Variants in SPON1 observed in about 807,000 individuals in gnomAD.
SPON1 encodes spondin 1, also known as spondin-1.
A neutral mutation model predicts 111.7 loss-of-function variants in SPON1; 52 were observed. The observed-to-expected ratio is 0.47, with a 90% CI of 0.37 to 0.59. The LOEUF (loss-of-function observed/expected upper bound fraction) is 0.59. Ranked by LOEUF, SPON1 falls within the 20% of genes least tolerant of loss-of-function variation. The probability of loss-of-function intolerance (pLI) is 0.00; values close to 1 mark genes in which losing one functional copy is unlikely to be tolerated. For missense variants in SPON1, 957 were observed against 1,068.5 expected, an observed-to-expected ratio of 0.90 and a Z score of 1.46; for synonymous variants, 410 against 395.8, an observed-to-expected ratio of 1.04 and a Z score of -0.43.
In SPON1 at chr11:14,066,387, G is replaced by A. The variant is rs73422187; in HGVS notation, c.480-8958G>A. 1.4e-3 allele frequency among the ~76,000 whole-genome samples: 208 copies of A among 151,986 alleles called. 3 individuals carry two copies. Among genetic ancestry groups the A allele is most frequent in the Middle Eastern group, 0.01 (3 of 292 alleles). On this transcript the variant is annotated intron_variant, in intron 3 of 15. Transcript: ENST00000576479. The stretch of plus-strand genomic sequence containing the variant: ...AGAAAACCATTAAGGGTCAAAAGAC[G>A]CTGGAAAAAAAAATTGATAGTTTGG...
intron 5 of SPON1, among the ~76,000 whole-genome samples, chr11:14,086,718 A>T (rs1471583993): frequency 6.6e-6 from 1 of 152,208 alleles, no homozygotes; most frequent in East Asian, 1.9e-4. Context: ...TTCAGAAGGA[A>T]TGGTACCAAC....
chr11:14,088,816 G>A (rs533901694), intron 5 of SPON1, among the ~76,000 whole-genome samples: 123 of 151,974 alleles, frequency 8.1e-4, no homozygotes, highest in African/African-American at 2.7e-3. Flanking sequence ...ATTTCTTAGA[G>A]GCTGTGTTCG....
intron 2 of SPON1, among the ~76,000 whole-genome samples, chr11:14,002,948 CA>C (rs1554912613): frequency 6.6e-6 from 1 of 152,144 alleles, no homozygotes; most frequent in African/African-American, 2.4e-5. Context: ...CCTCGACAGC[CA>C]AGCACTTCAA....
chr11:13,993,642 A>G (rs1349884134), intron 2 of SPON1, among the ~76,000 whole-genome samples: 1 of 151,950 alleles, frequency 6.6e-6, no homozygotes, highest in East Asian at 1.9e-4. Flanking sequence ...GTGTTTTTCC[A>G]TTGCAGTTAT....
intron 5 of SPON1, among the ~76,000 whole-genome samples, chr11:14,121,868 G>A (rs1554926534): frequency 1.3e-5 from 2 of 151,454 alleles, no homozygotes; most frequent in African/African-American, 4.8e-5. Context: ...ATCTTTGCAA[G>A]ACACAGAATT....
intron 2 of SPON1, among the ~76,000 whole-genome samples, chr11:14,011,672 C>G (rs1463571438): frequency 6.6e-6 from 1 of 152,084 alleles, no homozygotes; most frequent in Non-Finnish European, 1.5e-5. Flanking sequence ...CTCACATTTC[C>G]CCACTGTAGG....
chr11:14,143,331 G>A (rs1328190635), intron 6 of SPON1, among the ~76,000 whole-genome samples: 1 of 152,190 alleles, frequency 6.6e-6, no homozygotes, highest in East Asian at 1.9e-4. Context: ...GGAGGCTGAG[G>A]TGGGCAGATC....
chr11:14,038,590 C>A (rs1848611191), intron 2 of SPON1, among the ~76,000 whole-genome samples: 1 of 152,044 alleles, frequency 6.6e-6, no homozygotes, highest in Admixed American at 6.5e-5. Context: ...GGCAAGTAAG[C>A]AAATAAAAAT....
In SPON1 at chr11:14,220,160, C is replaced by T. The variant is rs183216515; in HGVS notation, c.826-23172C>T. Among the ~76,000 whole-genome samples the T allele has an allele frequency of 1.1e-4, 17 of 151,800 alleles. No homozygotes were observed. The East Asian group carries it at 3.3e-3, about 29-fold the overall frequency. On this transcript the variant is annotated intron_variant, in intron 6 of 15. Coordinates refer to ENST00000576479, the MANE Select transcript of SPON1 (RefSeq NM_006108.4). ...CCACGCCCATAAGTTTACATAAAGT[C>T]CACTTGGCATTCCTGTTTCTCACTG...
At chr11:14,159,699 A>C (rs1847888582) in intron 6 of SPON1, among the ~76,000 whole-genome samples, 1 of 152,144 alleles carries the variant, frequency 6.6e-6, no homozygotes, top group South Asian at 2.1e-4. Flanking sequence ...AGTACTATTC[A>C]GCCATAAGAA....
chr11:13,996,724 T>TATATAC (rs569794197), intron 2 of SPON1, among the ~76,000 whole-genome samples: 1 of 151,926 alleles, frequency 6.6e-6, no homozygotes, highest in African/African-American at 2.4e-5. Flanking sequence ...TATATATATA[T>TATATAC]ACACACACAC....
rs117829312 is a variant in SPON1, at chr11:14,081,987, G to A, written c.676+1966G>A. Among the ~76,000 whole-genome samples the A allele has an allele frequency of 5.4e-3, 815 of 152,220 alleles. 6 individuals are homozygous for A. The highest frequency in any genetic ancestry group is 0.011 in the South Asian group (55 of 4,812). ...CATCAGCTGTGTGGGAGACCTGTGC[G>A]AAGAAACTTGGACTCTCTGCCTGGG... On this transcript the variant is annotated intron_variant, in intron 5 of 15. Coordinates refer to ENST00000576479, the MANE Select transcript of SPON1 (RefSeq NM_006108.4).
chr11:14,003,783 T>G (rs1554912756), intron 2 of SPON1, among the ~76,000 whole-genome samples: 1 of 152,176 alleles, frequency 6.6e-6, no homozygotes, highest in African/African-American at 2.4e-5. Flanking sequence ...TTGCACATAG[T>G]TACTTTTTTT....
intron 2 of SPON1, among the ~76,000 whole-genome samples, chr11:13,984,926 A>G (rs896386988): frequency 1.3e-5 from 2 of 152,218 alleles, no homozygotes; most frequent in African/African-American, 4.8e-5. Flanking sequence ...CTCTGTATGC[A>G]TCCTCCCTTC....
At chr11:14,097,347 A>T (rs1033672182) in intron 5 of SPON1, among the ~76,000 whole-genome samples, 8 of 152,238 alleles carry the variant, frequency 5.3e-5, no homozygotes, top group Non-Finnish European at 1.0e-4. Flanking sequence ...TGAGACTTGA[A>T]GAGATTTTAA....
chr11:13,963,569 G>A (rs371840658), intron 1 of SPON1, among the ~76,000 whole-genome samples: 172 of 152,284 alleles, frequency 1.1e-3, no homozygotes, highest in African/African-American at 3.9e-3. Context: ...AGCTTTCCCC[G>A]CTCAGTCCCT....
chr11:14,242,102 T>G (rs1848934385), intron 6 of SPON1, among the ~76,000 whole-genome samples: 1 of 152,110 alleles, frequency 6.6e-6, no homozygotes, highest in Non-Finnish European at 1.5e-5. Context: ...CCTTCCTGCA[T>G]GGTAAATGGG....
intron 3 of SPON1, among the ~76,000 whole-genome samples, chr11:14,044,609 C>T (rs551405489): frequency 1.6e-4 from 24 of 152,318 alleles, no homozygotes; most frequent in African/African-American, 5.8e-4. Flanking sequence ...GAAACCCCAT[C>T]TCAAATAAAT....
intron 6 of SPON1, among the ~76,000 whole-genome samples, chr11:14,171,426 T>C (rs1848098495): frequency 6.6e-6 from 1 of 152,234 alleles, no homozygotes; most frequent in Non-Finnish European, 1.5e-5. Context: ...ATTTTGTTGA[T>C]CTTTTCAAAA....
Sources: gnomAD v4.1 joint callset for allele counts (sites outside exome capture counted in the v4.1 genomes callset) on GRCh38, gnomAD v4.1.1 for gene constraint, MANE v1.5 for transcripts, NCBI Gene and HGNC (gene_info 2026-07-23, HGNC 2026-07-21) for gene names.